The following IMMP2L variants were observed in gnomAD, a reference collection of about 807,000 sequenced individuals.
IMMP2L encodes inner mitochondrial membrane peptidase subunit 2, also known as mitochondrial inner membrane protease subunit 2.
In IMMP2L, 18 loss-of-function variants were observed where a neutral mutation model predicts 19.3. The ratio of observed to expected loss-of-function variants is 0.93; its 90% confidence interval spans 0.64 to 1.38. The LOEUF (loss-of-function observed/expected upper bound fraction) is 1.38. Ranked by LOEUF, IMMP2L falls within the 40% of genes most tolerant of loss-of-function variation. The probability of loss-of-function intolerance (pLI) is 0.00; values close to 1 mark genes in which losing one functional copy is unlikely to be tolerated. For missense variants in IMMP2L, 233 were observed against 218.2 expected, an observed-to-expected ratio of 1.07 and a Z score of -0.43; for synonymous variants, 76 against 73.0, an observed-to-expected ratio of 1.04 and a Z score of -0.21.
At chr7:111,344,637 G>T (rs557766020) in intron 3 of IMMP2L, among the ~76,000 whole-genome samples, 4 of 152,246 alleles carry the variant, frequency 2.6e-5, no homozygotes, top group African/African-American at 9.6e-5. Flanking sequence ...TGAACACAAG[G>T]TTCTTATTTT....
At chr7:111,335,622 G>A (rs1416467859) in intron 3 of IMMP2L, among the ~76,000 whole-genome samples, 1 of 152,034 alleles carries the variant, frequency 6.6e-6, no homozygotes, top group Non-Finnish European at 1.5e-5. Context: ...CAGCCTAAAT[G>A]TCCATCAGTA....
At chr7:111,275,355 A>T (rs1034641838) in intron 3 of IMMP2L, among the ~76,000 whole-genome samples, 3 of 152,204 alleles carry the variant, frequency 2.0e-5, no homozygotes, top group Non-Finnish European at 1.5e-5. Flanking sequence ...TGTTAAAAAG[A>T]AAGTTTATGT....
rs574586977 is a variant in IMMP2L at position 110,985,546 on chromosome 7, TTGA to T, written c.240-21984_240-21982del. Among the ~76,000 whole-genome samples, 11 of 152,278 alleles carry T rather than the reference TTGA, an allele frequency of 7.2e-5. No individual in the cohort carries two copies. In the South Asian group the frequency reaches 2.3e-3, roughly 32 times the overall value. ...TTTTCTTTGTTTAACATAGTTATAG[TTGA>T]TGATATTACCATGACAATATAAATA... On this transcript the variant is annotated intron_variant, in intron 3 of 5. Transcript: ENST00000405709.
At chr7:111,495,876 C>T (rs1843547723) in intron 2 of IMMP2L, among the ~76,000 whole-genome samples, 1 of 152,130 alleles carries the variant, frequency 6.6e-6, no homozygotes, top group Admixed American at 6.5e-5. Flanking sequence ...CTCACACTGG[C>T]TACATACAAT....
Position 110,761,397 on chromosome 7 carries a change from A to G in IMMP2L, c.409-97676T>C, listed in dbSNP as rs560041332. Among the ~76,000 whole-genome samples the G allele has an allele frequency of 1.2e-3, 188 of 152,210 alleles. 2 individuals carry two copies. Among genetic ancestry groups the G allele is most frequent in the African/African-American group, 3.1e-3 (130 of 41,542 alleles). ...TTGAACTCATCAACCTAGATTCGAT[A>G]TAGTACTAGGGTGGAATTAATGCCA... On this transcript the variant is annotated intron_variant, in intron 5 of 5. Coordinates refer to ENST00000405709, the MANE Select transcript of IMMP2L (RefSeq NM_032549.4).
intron 5 of IMMP2L, among the ~76,000 whole-genome samples, chr7:110,794,508 C>G (rs1051231401): frequency 2.0e-5 from 3 of 152,170 alleles, no homozygotes; most frequent in East Asian, 3.9e-4. Flanking sequence ...AATGTATCTT[C>G]CATTATTATC....
rs77535264 is a variant in IMMP2L, at chr7:111,097,612, G to A, written c.240-134047C>T. On this transcript the variant is annotated intron_variant, in intron 3 of 5. Coordinates refer to ENST00000405709, the MANE Select transcript of IMMP2L (RefSeq NM_032549.4). The stretch of plus-strand genomic sequence containing the variant: ...AAAAAACAAAAAAATGTTAAAAATA[G>A]ACATGTATTTTTCAAACATACAATT... 3.7e-3 allele frequency among the ~76,000 whole-genome samples: 555 copies of A among 151,848 alleles called. 4 individuals carry two copies. Among genetic ancestry groups the A allele is most frequent in the African/African-American group, 0.013 (523 of 41,460 alleles).
At chr7:111,044,469 G>A (rs1466484063) in intron 3 of IMMP2L, among the ~76,000 whole-genome samples, 3 of 152,176 alleles carry the variant, frequency 2.0e-5, no homozygotes. Context: ...GCTGAGGCAG[G>A]AGAATCACTT....
intron 3 of IMMP2L, among the ~76,000 whole-genome samples, chr7:111,422,820 T>C (rs1374866331): frequency 1.3e-5 from 2 of 151,794 alleles, no homozygotes; most frequent in African/African-American, 4.9e-5. Context: ...ATGCTTCCAG[T>C]TTTTGCCCAT....
chr7:111,475,598 C>T (rs770097360), intron 3 of IMMP2L, among the ~76,000 whole-genome samples: 3 of 152,170 alleles, frequency 2.0e-5, no homozygotes, highest in Non-Finnish European at 2.9e-5. Flanking sequence ...GTGGGAAACA[C>T]ATCTTAAGTT....
At chr7:111,525,520 G>A (rs1846755345) in intron 1 of IMMP2L, among the ~76,000 whole-genome samples, 1 of 152,048 alleles carries the variant, frequency 6.6e-6, no homozygotes, top group African/African-American at 2.4e-5. Flanking sequence ...ATGGATATAG[G>A]GAAACCACAT....
chr7:111,191,317 A>T (rs1232672660), intron 3 of IMMP2L, among the ~76,000 whole-genome samples: 3 of 152,026 alleles, frequency 2.0e-5, no homozygotes, highest in Admixed American at 2.0e-4. Context: ...AGCAATTTAA[A>T]TTCCATTAAA....
intron 3 of IMMP2L, among the ~76,000 whole-genome samples, chr7:111,133,993 A>C (rs909271512): frequency 1.3e-5 from 2 of 152,064 alleles, no homozygotes; most frequent in African/African-American, 4.8e-5. Flanking sequence ...TGTCTCCCCA[A>C]AGGACAAATA....
chr7:110,840,382 G>T lies in IMMP2L; in HGVS notation c.408+46211C>A, dbSNP rs570732757. On this transcript the variant is annotated intron_variant, in intron 5 of 5. Transcript: ENST00000405709. ...CTGACCCATATGCTTATACACAGAT[G>T]ATCTATTAAGGCTCTATAACATATA... 6.6e-5 allele frequency among the ~76,000 whole-genome samples: 10 copies of T among 152,164 alleles called. No individual in the cohort carries two copies. The South Asian group carries it at 1.7e-3, about 25-fold the overall frequency.
chr7:111,193,432 T>C (rs1431299970), intron 3 of IMMP2L, among the ~76,000 whole-genome samples: 1 of 152,108 alleles, frequency 6.6e-6, no homozygotes, highest in Admixed American at 6.5e-5. Flanking sequence ...CTGACGGTGA[T>C]AAAGTGTGGT....
chr7:111,142,684 A>G (rs781348291), intron 3 of IMMP2L, among the ~76,000 whole-genome samples: 1 of 152,178 alleles, frequency 6.6e-6, no homozygotes, highest in Non-Finnish European at 1.5e-5. Context: ...ATGAGAGCAC[A>G]TATCATAAAG....
chr7:111,413,061 C>T (rs1834582514), intron 3 of IMMP2L, among the ~76,000 whole-genome samples: 1 of 70,446 alleles, frequency 1.4e-5, no homozygotes, highest in Non-Finnish European at 3.1e-5. Context: ...GAGATATTAT[C>T]CAGATACTTC....
chr7:111,385,490 C>T (rs1329024400), intron 3 of IMMP2L, among the ~76,000 whole-genome samples: 1 of 152,098 alleles, frequency 6.6e-6, no homozygotes, highest in African/African-American at 2.4e-5. Context: ...ACCACACATT[C>T]GGATACTCCA....
intron 3 of IMMP2L, among the ~76,000 whole-genome samples, chr7:111,169,692 C>A (rs200403760): frequency 4.6e-5 from 7 of 151,838 alleles, no homozygotes; most frequent in African/African-American, 1.2e-4. Context: ...TTAGAGCCAA[C>A]CTTAATGACC....
Sources: allele counts gnomAD v4.1 joint callset (sites outside exome capture counted in the v4.1 genomes callset), GRCh38; gene constraint gnomAD v4.1.1; transcripts MANE v1.5; gene names NCBI Gene and HGNC (gene_info 2026-07-23, HGNC 2026-07-21).